ZNF225: variants seen among roughly 807,000 people sequenced by gnomAD.
ZNF225 encodes zinc finger protein 225.
In ZNF225, 6 loss-of-function variants were observed where a neutral mutation model predicts 12.0. That is an observed-to-expected ratio of 0.50 (90% CI 0.27 to 0.98). ZNF225 has a LOEUF of 0.98. Among genes scored for constraint, ZNF225 ranks in the 50% least tolerant of loss-of-function variants. ZNF225 has a pLI of 0.11. For missense variants in ZNF225, 763 were observed against 848.2 expected (o/e 0.90, Z 1.25); for synonymous variants, 271 against 283.2 (o/e 0.96, Z 0.43).
intron 1 of ZNF225, chr19:44,114,132 C>A: frequency 1.3e-6 from 1 of 787,484 alleles, no homozygotes; most frequent in Admixed American, 2.5e-5. Flanking sequence ...CAGAGTGTTT[C>A]ACAGCCTTCT....
In ZNF225 at chr19:44,123,969, T is replaced by TTTTTG. The variant is rs146895973; in HGVS notation, c.235+5424_235+5428dup. Among the ~76,000 whole-genome samples, 377 of 151,846 alleles carry TTTTTG rather than the reference T, an allele frequency of 2.5e-3. 1 individual carries two copies. Among genetic ancestry groups the TTTTTG allele is most frequent in the Non-Finnish European group, 3.2e-3 (216 of 67,986 alleles). On this transcript the variant is annotated intron_variant, in intron 4 of 4. Coordinates refer to ENST00000262894, the MANE Select transcript of ZNF225 (RefSeq NM_013362.4). ...TTTTTGTTTCATTTATCTTTTGTATTTTTTGTTTTGTTTTGTTTTGTTTTG... is the reference window on the plus strand; with the variant it reads ...TTTTTGTTTCATTTATCTTTTGTATTTTTTGTTTTGTTTTGTTTTGTTTTGTTTTG...
At chr19:44,118,336 A>G (rs1464691504) in intron 3 of ZNF225, 22 bp downstream of exon 3, 6 of 1,610,328 alleles carry the variant, frequency 3.7e-6, no homozygotes, top group Non-Finnish European at 5.1e-6. Flanking sequence ...CACCCTTTGT[A>G]AGGGAACATC....
In ZNF225 at chr19:44,131,244, T is replaced by A. The variant is rs755462352; in HGVS notation, c.630T>A (p.Gly210=). ...AACTCTATAATTGTGATGTGTGTGGTAAGGAATTCAATCAGAGCTCACATC... is the reference window on the plus strand; with the variant it reads ...AACTCTATAATTGTGATGTGTGTGGAAAGGAATTCAATCAGAGCTCACATC... The part of the protein sequence containing the change: ...GEKLYNCDVC[G]KEFNQSSHLQ... Residue 210 remains glycine (G), a synonymous_variant, in exon 5 of 5, where the codon GGT becomes GGA. Transcript: ENST00000262894. 6.2e-7 allele frequency: 1 copy of A among 1,614,052 alleles called. No homozygotes were observed. The highest frequency in any genetic ancestry group is 1.3e-5 in the African/African-American group (1 of 74,920).
chr19:44,114,241 A>G lies in ZNF225; in HGVS notation c.-69+672A>G, dbSNP rs1599670955. The G allele has an allele frequency of 5.5e-6, 5 of 909,476 alleles. No homozygotes were observed. The East Asian group carries it at 1.3e-4, about 24-fold the overall frequency. 56.3% of individuals were successfully genotyped at this position (909,476 alleles called of 1,614,324 possible). On this transcript the variant is annotated intron_variant, in intron 1 of 4. Coordinates refer to ENST00000262894, the MANE Select transcript of ZNF225 (RefSeq NM_013362.4). Reference sequence around the variant, plus strand: ...GAGTGATCCTTGGCTTTTTTCTTTGACAGAGATGCTCACCCCAACCGAGAG... The same window carrying G: ...GAGTGATCCTTGGCTTTTTTCTTTGGCAGAGATGCTCACCCCAACCGAGAG...
chr19:44,132,874 G>A lies in ZNF225; in HGVS notation c.*139G>A. 2.6e-6 allele frequency: 2 copies of A among 776,930 alleles called. No individual in the cohort carries two copies. The highest frequency in any genetic ancestry group is 3.9e-6 in the Non-Finnish European group (2 of 511,602). The allele number at this position is 776,930 out of a possible 1,614,324, so 48.1% of individuals were successfully genotyped here. On this transcript the variant is annotated 3_prime_UTR_variant, in exon 5 of 5. Transcript: ENST00000262894. The stretch of plus-strand genomic sequence containing the variant: ...ATGTTGGGAACCCTTAAAATTCACT[G>A]TCCTAGCTATTTGAAAATAATACGT...
intron 4 of ZNF225, among the ~76,000 whole-genome samples, chr19:44,124,643 G>C (rs528521675): frequency 6.6e-6 from 1 of 152,248 alleles, no homozygotes; most frequent in South Asian, 2.1e-4. Context: ...TTGTGTTGCT[G>C]TCTACCACAT....
At chr19:44,123,275 T>C (rs1214108050) in intron 4 of ZNF225, among the ~76,000 whole-genome samples, 2 of 152,126 alleles carry the variant, frequency 1.3e-5, no homozygotes, top group East Asian at 3.8e-4. Flanking sequence ...TTTAATTCTG[T>C]TTATGTGGTG....
At chr19:44,112,052 T>C (rs1967842741), upstream of ZNF225, 1 of 152,272 alleles carries the variant, frequency 6.6e-6, no homozygotes, top group Non-Finnish European at 1.5e-5. Context: ...TGGCAGTGAA[T>C]GTGCTGAGTT....
At chr19:44,129,251 T>A in intron 4 of ZNF225, 1 of 514,364 alleles carries the variant, frequency 1.9e-6, no homozygotes, top group Non-Finnish European at 3.0e-6. Context: ...TTGCAAAGTT[T>A]AAAGTGACAG....
chr19:44,129,042 G>A, intron 4 of ZNF225: 1 of 1,231,346 alleles, frequency 8.1e-7, no homozygotes, highest in Non-Finnish European at 1.0e-6. Flanking sequence ...TTTCTGTCAG[G>A]TCCAGCCTTT....
chr19:44,112,970 G>A (rs1481176134), upstream of ZNF225: 4 of 152,164 alleles, frequency 2.6e-5, no homozygotes, highest in African/African-American at 9.7e-5. Flanking sequence ...GAGAGAGAAG[G>A]ACGACTCTCA....
At chr19:44,117,535 A>G (rs1291363921) in intron 2 of ZNF225, among the ~76,000 whole-genome samples, 2 of 152,244 alleles carry the variant, frequency 1.3e-5, no homozygotes, top group Non-Finnish European at 2.9e-5. Context: ...TTACTGGGGC[A>G]GTTGGCAAGA....
Position 44,132,327 on chromosome 19 carries a change from A to G in ZNF225, c.1713A>G (p.Lys571=). The G allele has an allele frequency of 6.2e-7, 1 of 1,613,492 alleles. No individual in the cohort carries two copies. Among genetic ancestry groups the G allele is most frequent in the Non-Finnish European group, 8.5e-7 (1 of 1,179,818 alleles). Residue 571 remains lysine (K), a synonymous_variant, in exon 5 of 5, where the codon AAA becomes AAG. Transcript: ENST00000262894. Reference sequence around the variant, plus strand: ...CCGGAGAGAGACCTTATAATTGTAAAGAATGTGGGAAGAGCTTTAGCCGGG... The same window carrying G: ...CCGGAGAGAGACCTTATAATTGTAAGGAATGTGGGAAGAGCTTTAGCCGGG... ...VHTGERPYNC[K]ECGKSFSRAS...
chr19:44,131,494 T>G lies in ZNF225; in HGVS notation c.880T>G (p.Cys294Gly). 2 of 1,614,010 alleles carry G rather than the reference T, an allele frequency of 1.2e-6. No individual in the cohort carries two copies. The highest frequency in any genetic ancestry group is 1.7e-5 in the Admixed American group (1 of 60,022). ...GEKPFKCDIC[C>G]KSFRSRANLN... ...GAAGCCATTCAAATGTGATATATGT[T>G]GTAAGAGCTTCCGTAGTAGAGCAAA... Residue 294 changes from cysteine to glycine, a missense_variant, in exon 5 of 5, where the codon TGT becomes GGT. Physicochemically the swap from Cys to Gly is radical, Grantham distance 159. Transcript: ENST00000262894.
At position 44,130,820 on chromosome 19, in the gene ZNF225, C is replaced by T. The variant is rs1164101277; in HGVS notation, c.236-30C>T. 4 of 1,566,166 alleles carry T rather than the reference C, an allele frequency of 2.6e-6. No individual in the cohort carries two copies. In the African/African-American group the frequency reaches 5.5e-5, roughly 21 times the overall value. ...TAACACTGAATAAAAGCTTTACTTG[C>T]CCACATCTCTTAATTCTGTGTCATT... On this transcript the variant is annotated intron_variant, in intron 4 of 4. Coordinates refer to ENST00000262894, the MANE Select transcript of ZNF225 (RefSeq NM_013362.4).
At chr19:44,125,523 C>A (rs1375213770) in intron 4 of ZNF225, among the ~76,000 whole-genome samples, 2 of 152,302 alleles carry the variant, frequency 1.3e-5, no homozygotes, top group East Asian at 3.9e-4. Flanking sequence ...AGGCAATGAT[C>A]TTTTTGCAAT....
chr19:44,112,525 C>T (rs1967853181), upstream of ZNF225, among the ~76,000 whole-genome samples: 1 of 151,986 alleles, frequency 6.6e-6, no homozygotes, highest in Non-Finnish European at 1.5e-5. Flanking sequence ...TGAATTACAC[C>T]TCAAAAATAT....
chr19:44,128,467 G>T (rs766401732), intron 4 of ZNF225: 1 of 152,176 alleles, frequency 6.6e-6, no homozygotes, highest in Non-Finnish European at 1.5e-5. Context: ...ATTTATAAGG[G>T]ATGATGTTTT....
At chr19:44,116,607 T>C (rs1484703728) in intron 2 of ZNF225, among the ~76,000 whole-genome samples, 1 of 152,150 alleles carries the variant, frequency 6.6e-6, no homozygotes, top group Non-Finnish European at 1.5e-5. Flanking sequence ...AAGAATCTTA[T>C]GTACAGAATA....
Sources: allele counts gnomAD v4.1 joint callset (sites outside exome capture counted in the v4.1 genomes callset), GRCh38; gene constraint gnomAD v4.1.1; transcripts MANE v1.5; gene names NCBI Gene and HGNC (gene_info 2026-07-23, HGNC 2026-07-21).